Variants in IMMP2L observed in about 807,000 individuals in gnomAD.
IMMP2L encodes mitochondrial inner membrane protease subunit 2.
In IMMP2L, 18 loss-of-function variants were observed where a neutral mutation model predicts 19.3. The observed-to-expected ratio is 0.93, with a 90% CI of 0.64 to 1.38. The LOEUF is 1.38. Ranked by LOEUF, IMMP2L falls within the 40% of genes most tolerant of loss-of-function variation. IMMP2L has a pLI of 0.00. For missense variants in IMMP2L, 233 were observed against 218.2 expected (o/e 1.07, Z -0.43); for synonymous variants, 76 against 73.0 (o/e 1.04, Z -0.21).
In IMMP2L at chr7:110,870,267, T is replaced by C. The variant is rs755049952; in HGVS notation, c.408+16326A>G. ...CATTTCATTCTCTTTTTTCCAAAGA[T>C]GTCAGATGTCCTTCTTGTATACTTT... On this transcript the variant is annotated intron_variant, in intron 5 of 5. Transcript: ENST00000405709. The surrounding 1 kb of genome is among the most constrained non-coding windows in gnomAD (Gnocchi z 4.2). Among the ~76,000 whole-genome samples the C allele has an allele frequency of 6.6e-6, 1 of 152,110 alleles. No homozygotes were observed. Among genetic ancestry groups the C allele is most frequent in the Non-Finnish European group, 1.5e-5 (1 of 68,014 alleles).
intron 3 of IMMP2L, among the ~76,000 whole-genome samples, chr7:111,216,622 A>G (rs892086384): frequency 8.5e-5 from 13 of 152,152 alleles, no homozygotes; most frequent in African/African-American, 3.1e-4. Context: ...GTGCAATAGA[A>G]CTAAAAAGAA....
intron 4 of IMMP2L, among the ~76,000 whole-genome samples, chr7:110,912,348 G>A (rs993752717): frequency 4.6e-5 from 7 of 152,086 alleles, no homozygotes; most frequent in Non-Finnish European, 1.5e-5. Flanking sequence ...CACAATGTAA[G>A]TGTTCAGGTA....
intron 5 of IMMP2L, among the ~76,000 whole-genome samples, chr7:110,737,060 G>A (rs966172596): frequency 6.6e-6 from 1 of 152,140 alleles, no homozygotes; most frequent in Non-Finnish European, 1.5e-5. Flanking sequence ...CAGATAGGAG[G>A]CAGGACTAGC....
intron 4 of IMMP2L, among the ~76,000 whole-genome samples, chr7:110,887,206 A>G (rs1262913762): frequency 6.6e-6 from 1 of 152,168 alleles, no homozygotes; most frequent in Non-Finnish European, 1.5e-5. Context: ...CATAATCTGA[A>G]TAACTTCTTG....
At chr7:110,791,393 T>G (rs1415135953) in intron 5 of IMMP2L, among the ~76,000 whole-genome samples, 8 of 151,680 alleles carry the variant, frequency 5.3e-5, no homozygotes, top group Non-Finnish European at 1.2e-4. Flanking sequence ...CTCAGTCTCT[T>G]TAAAATATTT....
chr7:110,755,495 T>G (rs896093592), intron 5 of IMMP2L, among the ~76,000 whole-genome samples: 1 of 152,136 alleles, frequency 6.6e-6, no homozygotes, highest in Non-Finnish European at 1.5e-5. Context: ...TATTGTGTGA[T>G]AGCCACAATC....
chr7:111,318,479 A>G (rs1824343419), intron 3 of IMMP2L, among the ~76,000 whole-genome samples: 1 of 152,182 alleles, frequency 6.6e-6, no homozygotes, highest in South Asian at 2.1e-4. Flanking sequence ...ATTTTACCAT[A>G]GAAATCATCA....
intron 3 of IMMP2L, among the ~76,000 whole-genome samples, chr7:111,222,650 C>T (rs1488832840): frequency 6.6e-6 from 1 of 151,738 alleles, no homozygotes; most frequent in Non-Finnish European, 1.5e-5. Flanking sequence ...AATTTACAAT[C>T]GAACAATACC....
intron 5 of IMMP2L, among the ~76,000 whole-genome samples, chr7:110,867,845 G>T (rs1161767474): frequency 6.6e-6 from 1 of 151,948 alleles, no homozygotes; most frequent in Non-Finnish European, 1.5e-5. Flanking sequence ...TCTGAAGCTG[G>T]TTGATTTCTG....
At chr7:110,797,290 C>G (rs1276531567) in intron 5 of IMMP2L, among the ~76,000 whole-genome samples, 1 of 151,968 alleles carries the variant, frequency 6.6e-6, no homozygotes, top group Non-Finnish European at 1.5e-5. Context: ...CATTTCACCC[C>G]ATTTGACTCC....
chr7:110,991,965 C>T (rs549017395), intron 3 of IMMP2L, among the ~76,000 whole-genome samples: 16 of 152,242 alleles, frequency 1.1e-4, no homozygotes, highest in African/African-American at 3.8e-4. Context: ...CCAATCATAT[C>T]ATATCCATTG....
chr7:111,509,882 A>G (rs1845282991), intron 2 of IMMP2L, among the ~76,000 whole-genome samples: 1 of 152,162 alleles, frequency 6.6e-6, no homozygotes, highest in African/African-American at 2.4e-5. Context: ...TTATTCAGGC[A>G]TATCAATGCT....
chr7:111,140,899 A>T (rs1802811896), intron 3 of IMMP2L, among the ~76,000 whole-genome samples: 1 of 152,226 alleles, frequency 6.6e-6, no homozygotes, highest in Non-Finnish European at 1.5e-5. Context: ...AATACATTTG[A>T]GAGAGCTGCT....
At chr7:111,073,079 C>G (rs1795097207) in intron 3 of IMMP2L, among the ~76,000 whole-genome samples, 1 of 152,004 alleles carries the variant, frequency 6.6e-6, no homozygotes, top group Non-Finnish European at 1.5e-5. Flanking sequence ...GTTAAATATA[C>G]TGAATTTGAT....
At chr7:110,735,562 A>G (rs1021905217) in intron 5 of IMMP2L, among the ~76,000 whole-genome samples, 2 of 151,536 alleles carry the variant, frequency 1.3e-5, no homozygotes, top group African/African-American at 2.4e-5. Flanking sequence ...TGTGAGGCTG[A>G]GGTGGGTGGA....
At chr7:110,971,240 T>C (rs773276244) in intron 3 of IMMP2L, among the ~76,000 whole-genome samples, 9 of 152,096 alleles carry the variant, frequency 5.9e-5, no homozygotes, top group South Asian at 2.1e-4. Context: ...ATCAGTGATA[T>C]TGTAGGGTAT....
intron 3 of IMMP2L, among the ~76,000 whole-genome samples, chr7:111,204,133 G>T (rs2129616583): frequency 6.6e-6 from 1 of 152,134 alleles, no homozygotes; most frequent in East Asian, 1.9e-4. Flanking sequence ...CATTCCTCTA[G>T]TGGATGTGAA....
At chr7:110,874,065 GT>G (rs1349880849) in intron 5 of IMMP2L, among the ~76,000 whole-genome samples, 1 of 152,012 alleles carries the variant, frequency 6.6e-6, no homozygotes, top group Non-Finnish European at 1.5e-5. Context: ...GTATTTTTTT[GT>G]GCATATACAA....
intron 3 of IMMP2L, among the ~76,000 whole-genome samples, chr7:111,446,749 A>C (rs1472702981): frequency 6.6e-6 from 1 of 152,234 alleles, no homozygotes; most frequent in African/African-American, 2.4e-5. Flanking sequence ...TCAGACGATC[A>C]AATTACTCTG....
Sources: gnomAD v4.1 joint callset for allele counts (sites outside exome capture counted in the v4.1 genomes callset) on GRCh38, gnomAD v4.1.1 for gene constraint, Gnocchi (gnomAD v3.1) non-coding constraint, MANE v1.5 for transcripts, NCBI Gene and HGNC (gene_info 2026-07-23, HGNC 2026-07-21) for gene names.